Variants in NSMCE2 observed in about 807,000 individuals in gnomAD.
NSMCE2 encodes the protein NSE2 SUMO ligase component of SMC5/6 complex.
A neutral mutation model predicts 23.8 loss-of-function variants in NSMCE2; 24 were observed. That is an observed-to-expected ratio of 1.01 (90% CI 0.73 to 1.42). The LOEUF (loss-of-function observed/expected upper bound fraction) is 1.42, where lower values mean the gene tolerates loss of function less well. Among genes scored for constraint, NSMCE2 ranks in the 40% most tolerant of loss-of-function variants. NSMCE2 has a pLI of 0.00. For synonymous variants in NSMCE2, 92 were observed against 94.1 expected (o/e 0.98, Z 0.13); for missense variants, 284 against 296.5 (o/e 0.96, Z 0.31).
intron 3 of NSMCE2, among the ~76,000 whole-genome samples, chr8:125,108,854 A>G (rs1563654634): frequency 6.6e-6 from 1 of 152,254 alleles, no homozygotes; most frequent in African/African-American, 2.4e-5. Context: ...AATAAGACAT[A>G]TACTTGTTAT....
At chr8:125,275,771 A>AT (rs150015516) in intron 5 of NSMCE2, among the ~76,000 whole-genome samples, 16,883 of 151,646 alleles carry the variant, frequency 0.11, 1,092 homozygotes, top group South Asian at 0.17. Context: ...TAATATCCAG[A>AT]TTTTTTTTTG....
chr8:125,345,247 G>A (rs1046036990), intron 5 of NSMCE2, among the ~76,000 whole-genome samples: 1 of 151,920 alleles, frequency 6.6e-6, no homozygotes, highest in African/African-American at 2.4e-5. Flanking sequence ...CTTTCTTTTT[G>A]GTAATTTGCT....
intron 5 of NSMCE2, among the ~76,000 whole-genome samples, chr8:125,353,902 A>T (rs116286198): frequency 3.5e-4 from 51 of 146,146 alleles, no homozygotes; most frequent in African/African-American, 1.1e-3. Flanking sequence ...AAAAATAAAA[A>T]ATATATATAT....
chr8:125,358,360 C>G (rs1813377800), intron 7 of NSMCE2, among the ~76,000 whole-genome samples: 1 of 151,356 alleles, frequency 6.6e-6, no homozygotes, highest in Admixed American at 6.6e-5. Flanking sequence ...TAGGTAAATT[C>G]ATGGCTAACT....
At chr8:125,095,237 A>G (rs936719087) in intron 1 of NSMCE2, among the ~76,000 whole-genome samples, 9 of 152,308 alleles carry the variant, frequency 5.9e-5, no homozygotes, top group African/African-American at 1.7e-4. Flanking sequence ...AGAAAGTTCT[A>G]TTGGACAATG....
At chr8:125,262,051 T>C (rs779037999) in intron 5 of NSMCE2, among the ~76,000 whole-genome samples, 1 of 151,888 alleles carries the variant, frequency 6.6e-6, no homozygotes, top group Non-Finnish European at 1.5e-5. Flanking sequence ...GAATTGAGAT[T>C]GCACCGCTGC....
chr8:125,221,877 T>A (rs1186585375), intron 5 of NSMCE2, among the ~76,000 whole-genome samples: 1 of 152,198 alleles, frequency 6.6e-6, no homozygotes, highest in African/African-American at 2.4e-5. Flanking sequence ...CATTTCAGAT[T>A]TTGGGATTAA....
chr8:125,152,378 T>G (rs756774793), intron 4 of NSMCE2, among the ~76,000 whole-genome samples: 33 of 152,238 alleles, frequency 2.2e-4, no homozygotes, highest in Non-Finnish European at 4.4e-4. Flanking sequence ...CCAGCCAGTT[T>G]CTGAACTCTC....
intron 3 of NSMCE2, among the ~76,000 whole-genome samples, chr8:125,121,991 G>T (rs1433361039): frequency 1.3e-5 from 2 of 151,900 alleles, no homozygotes; most frequent in Non-Finnish European, 2.9e-5. Flanking sequence ...CCCAATTGCA[G>T]TAAGCTCTGA....
chr8:125,213,295 T>C (rs2130891702), intron 5 of NSMCE2, among the ~76,000 whole-genome samples: 1 of 152,304 alleles, frequency 6.6e-6, no homozygotes, highest in African/African-American at 2.4e-5. Flanking sequence ...GCCAGCAGCG[T>C]ACAGGAAACT....
intron 5 of NSMCE2, among the ~76,000 whole-genome samples, chr8:125,284,703 A>G (rs1827826300): frequency 6.6e-6 from 1 of 152,228 alleles, no homozygotes; most frequent in African/African-American, 2.4e-5. Flanking sequence ...GAATCTAAAG[A>G]GAGGGCTTTA....
intron 5 of NSMCE2, among the ~76,000 whole-genome samples, chr8:125,239,476 G>A (rs1017118066): frequency 4.0e-5 from 6 of 151,850 alleles, no homozygotes; most frequent in Non-Finnish European, 7.4e-5. Flanking sequence ...GGGCATGGTG[G>A]TGCACGCCTG....
chr8:125,348,494 A>T (rs1244719404), intron 5 of NSMCE2: 1 of 152,150 alleles, frequency 6.6e-6, no homozygotes, highest in Non-Finnish European at 1.5e-5. Flanking sequence ...ATTGGAACTT[A>T]TATGGTTTGG....
intron 5 of NSMCE2, among the ~76,000 whole-genome samples, chr8:125,261,755 A>C (rs1011007888): frequency 6.6e-5 from 10 of 151,972 alleles, no homozygotes; most frequent in Non-Finnish European, 1.3e-4. Context: ...TAAAAAAAAA[A>C]AAACAAAAAC....
chr8:125,226,536 G>A (rs966549879), intron 5 of NSMCE2, among the ~76,000 whole-genome samples: 1 of 152,082 alleles, frequency 6.6e-6, no homozygotes, highest in Non-Finnish European at 1.5e-5. Context: ...TGATGCTTGG[G>A]TGCCTTGGGG....
chr8:125,195,879 C>CTTTTTTTTTT (rs34687223), intron 5 of NSMCE2, among the ~76,000 whole-genome samples: 3 of 83,624 alleles, frequency 3.6e-5, no homozygotes, highest in Non-Finnish European at 6.3e-5. Flanking sequence ...TCCTGAATAA[C>CTTTTTTTTTT]TTTTTTTTTT....
chr8:125,251,445 T>C (rs1234090679), intron 5 of NSMCE2, among the ~76,000 whole-genome samples: 2 of 152,192 alleles, frequency 1.3e-5, no homozygotes, highest in East Asian at 3.8e-4. Context: ...TTGAATATGA[T>C]TAAATATTAA....
chr8:125,150,130 TTTCTC>T (rs1240158387), intron 3 of NSMCE2, among the ~76,000 whole-genome samples: 35 of 152,144 alleles, frequency 2.3e-4, no homozygotes, highest in Non-Finnish European at 1.5e-5. Flanking sequence ...ACAAGTTTGT[TTTCTC>T]TTCCCTTTTC....
At chr8:125,126,327 C>T (rs528245256) in intron 3 of NSMCE2, among the ~76,000 whole-genome samples, 127 of 151,000 alleles carry the variant, frequency 8.4e-4, no homozygotes, top group African/African-American at 2.9e-3. Flanking sequence ...GCCGAGATTG[C>T]GCCATAGCAC....
Sources: allele counts gnomAD v4.1 joint callset (sites outside exome capture counted in the v4.1 genomes callset), GRCh38; gene constraint gnomAD v4.1.1; transcripts MANE v1.5; gene names NCBI Gene and HGNC (gene_info 2026-07-23, HGNC 2026-07-21).